DAB2IP: variants seen among roughly 807,000 people sequenced by gnomAD.
The protein encoded by DAB2IP is disabled homolog 2-interacting protein.
A neutral mutation model predicts 107.2 loss-of-function variants in DAB2IP; 28 were observed. The ratio of observed to expected loss-of-function variants is 0.26; its 90% confidence interval spans 0.19 to 0.36. The LOEUF (loss-of-function observed/expected upper bound fraction) is 0.36. Among genes scored for constraint, DAB2IP ranks in the 10% least tolerant of loss-of-function variants. DAB2IP has a pLI of 1.00. For synonymous variants in DAB2IP, 755 were observed against 706.4 expected (o/e 1.07, Z -1.09); for missense variants, 1,400 against 1,644.7 (o/e 0.85, Z 2.57).
intron 3 of DAB2IP, chr9:121,737,237 C>T (rs867908490): frequency 7.1e-6 from 7 of 985,226 alleles, no homozygotes; most frequent in Non-Finnish European, 8.4e-6. Context: ...TGGCTGGAAG[C>T]GATAGTTTGC....
At chr9:121,700,540 C>G (rs1829717578) in intron 3 of DAB2IP, among the ~76,000 whole-genome samples, 1 of 152,190 alleles carries the variant, frequency 6.6e-6, no homozygotes, top group Non-Finnish European at 1.5e-5. Context: ...CTTCGTAGGG[C>G]TGTGTCCGTG....
intron 3 of DAB2IP, among the ~76,000 whole-genome samples, chr9:121,740,656 C>T (rs755837850): frequency 8.5e-5 from 13 of 152,300 alleles, no homozygotes; most frequent in East Asian, 1.9e-4. Context: ...CAGAATGCAT[C>T]GGCTTGAGGG....
chr9:121,572,434 G>C (rs1041912664), intron 1 of DAB2IP, among the ~76,000 whole-genome samples: 1 of 151,616 alleles, frequency 6.6e-6, no homozygotes, highest in Non-Finnish European at 1.5e-5. Context: ...ATAAGTGAGC[G>C]AGAGTGAGTG....
At position 121,593,763 on chromosome 9, in the gene DAB2IP, G is replaced by A. The variant is rs146437393; in HGVS notation, c.40+26535G>A. Among the ~76,000 whole-genome samples, 561 of 148,876 alleles carry A rather than the reference G, an allele frequency of 3.8e-3. 3 individuals carry two copies. The highest frequency in any genetic ancestry group is 0.013 in the African/African-American group (538 of 40,206). On this transcript the variant is annotated intron_variant, in intron 1 of 16. Coordinates refer to the DAB2IP transcript ENST00000259371. ...GCTCACTGCAACCTCCACCTTCCAG[G>A]TTCAAGCGATTCTCCTGCCTCAGCC...
intron 3 of DAB2IP, among the ~76,000 whole-genome samples, chr9:121,700,519 C>G (rs543398450): frequency 2.6e-5 from 4 of 152,312 alleles, no homozygotes; most frequent in African/African-American, 9.6e-5. Context: ...TCTCAGACCA[C>G]TGGCATCTGC....
rs760837949 is a variant in DAB2IP at position 121,772,560 on chromosome 9, GTTC to G, written c.2079-41_2079-39del. 2.5e-5 allele frequency: 40 copies of G among 1,569,846 alleles called. No individual in the cohort carries two copies. The highest frequency in any genetic ancestry group is 1.2e-4 in the African/African-American group (9 of 74,152). Reference sequence around the variant, plus strand: ...TGGACCCGCCTTGGCTGCACTCACAGTTCTTCTTTTCCCCTTCTTTCCCTGTGT... The same window carrying G: ...TGGACCCGCCTTGGCTGCACTCACAGTTCTTTTCCCCTTCTTTCCCTGTGT... On this transcript the variant is annotated intron_variant, in intron 11 of 15. Coordinates refer to ENST00000408936, the Ensembl canonical transcript of DAB2IP. The surrounding 1 kb of genome is among the most constrained non-coding windows in gnomAD (Gnocchi z 4.7).
chr9:121,657,688 C>T (rs1445266134), intron 1 of DAB2IP, among the ~76,000 whole-genome samples: 4 of 152,094 alleles, frequency 2.6e-5, no homozygotes, highest in African/African-American at 7.2e-5. Context: ...GTTGCTGCAA[C>T]TCAGAGAGCG....
chr9:121,648,417 G>T (rs1393974588), upstream of DAB2IP, among the ~76,000 whole-genome samples: 1 of 151,794 alleles, frequency 6.6e-6, no homozygotes, highest in Non-Finnish European at 1.5e-5. Context: ...AGTGTCTGGA[G>T]GATGACCAAG....
upstream of DAB2IP, chr9:121,651,522 C>T: frequency 2.8e-6 from 1 of 358,714 alleles, no homozygotes; most frequent in Non-Finnish European, 4.0e-6. The surrounding 1 kb of genome is among the most constrained non-coding windows in gnomAD (Gnocchi z 5.1). Flanking sequence ...GGATTTCTCC[C>T]GCACTGACTT....
chr9:121,735,162 T>G (rs1831808072), intron 3 of DAB2IP, among the ~76,000 whole-genome samples: 1 of 152,226 alleles, frequency 6.6e-6, no homozygotes. Flanking sequence ...CTCTTCTGGC[T>G]GGGAGCCTTT....
At chr9:121,664,508 G>C (rs911923485) in intron 1 of DAB2IP, among the ~76,000 whole-genome samples, 2 of 152,184 alleles carry the variant, frequency 1.3e-5, no homozygotes, top group African/African-American at 4.8e-5. Flanking sequence ...GCAATACTGA[G>C]TTTTCCAAGC....
Position 121,766,700 on chromosome 9 carries a change from A to G in DAB2IP, c.1667A>G (p.Lys556Arg), listed in dbSNP as rs1834311725. ...GCCCGCACCCTCACCCTCATCGCCA[A>G]GGTCACCCAGAACCTGGCCAACTTT... The change falls in exon 9 of 16, where the codon AAG becomes AGG. Residue 556 changes from lysine (K) to arginine (R), a missense_variant. This residue lies in a region of DAB2IP where 517 missense variants were observed against 748.6 expected (regional missense o/e 0.69). Coordinates refer to ENST00000408936, the Ensembl canonical transcript of DAB2IP. 6.2e-7 allele frequency: 1 copy of G among 1,614,054 alleles called. No individual in the cohort carries two copies. The highest frequency in any genetic ancestry group is 1.3e-5 in the African/African-American group (1 of 75,044).
chr9:121,576,719 C>T (rs908663469), intron 1 of DAB2IP, among the ~76,000 whole-genome samples: 7 of 152,028 alleles, frequency 4.6e-5, no homozygotes, highest in African/African-American at 7.3e-5. Context: ...TTGGTGTCCA[C>T]ACTGACATGG....
intron 1 of DAB2IP, among the ~76,000 whole-genome samples, chr9:121,569,422 C>T (rs963908174): frequency 3.9e-5 from 6 of 152,234 alleles, no homozygotes; most frequent in African/African-American, 1.4e-4. Context: ...GCAGAGGTGA[C>T]TCCTCCACTG....
chr9:121,783,235 G>A, exon 16 of DAB2IP: 1 of 1,246,812 alleles, frequency 8.0e-7, no homozygotes, highest in Non-Finnish European at 1.0e-6. Context: ...TTTCTTGTGA[G>A]CTCTTGTCCC....
rs904236664 is a variant in DAB2IP, at chr9:121,701,323, G to T, written c.362+1865G>T. Among the ~76,000 whole-genome samples, 3 of 152,192 alleles carry T rather than the reference G, an allele frequency of 2.0e-5. No individual in the cohort carries two copies. Among genetic ancestry groups the T allele is most frequent in the Admixed American group, 6.5e-5 (1 of 15,286 alleles). The stretch of plus-strand genomic sequence containing the variant: ...GTCGGGGCATGGCCAAGACGACCTC[G>T]TGCGGGTCCTGCCCCACTTGGCCTC... On this transcript the variant is annotated intron_variant, in intron 3 of 15. Transcript: ENST00000408936. The surrounding 1 kb of genome is among the most constrained non-coding windows in gnomAD (Gnocchi z 4.7).
intron 13 of DAB2IP, among the ~76,000 whole-genome samples, chr9:121,774,736 C>T (rs372090084): frequency 6.6e-6 from 1 of 152,184 alleles, no homozygotes; most frequent in African/African-American, 2.4e-5. Context: ...TCCTGAGGAC[C>T]TGGGGGTTGA....
intron 1 of DAB2IP, among the ~76,000 whole-genome samples, chr9:121,618,721 G>C (rs1831361080): frequency 6.6e-6 from 1 of 152,160 alleles, no homozygotes. Flanking sequence ...GTGACATCCA[G>C]GTGCACATCA....
chr9:121,673,769 T>C (rs1312321956), intron 1 of DAB2IP, among the ~76,000 whole-genome samples: 1 of 151,966 alleles, frequency 6.6e-6, no homozygotes, highest in East Asian at 1.9e-4. Context: ...GGGTGTCAGG[T>C]CAGGAGAGAG....
Sources: gnomAD v4.1 joint callset for allele counts (sites outside exome capture counted in the v4.1 genomes callset) on GRCh38, gnomAD v4.1.1 for gene constraint, gnomAD v4.1.1 regional missense constraint, Gnocchi (gnomAD v3.1) non-coding constraint, MANE v1.5 for transcripts, NCBI Gene and HGNC (gene_info 2026-07-23, HGNC 2026-07-21) for gene names.